TMEM170B: variants seen among roughly 807,000 people sequenced by gnomAD.
The protein encoded by TMEM170B is transmembrane protein 170B.
Under a neutral mutation model 13.0 loss-of-function variants are expected in TMEM170B, and 6 were observed. The ratio of observed to expected loss-of-function variants is 0.46; its 90% CI spans 0.25 to 0.91. The LOEUF (loss-of-function observed/expected upper bound fraction) is 0.91, where lower values mean the gene tolerates loss of function less well. Ranked by LOEUF, TMEM170B falls within the 40% of genes least tolerant of loss-of-function variation. The pLI, the probability that TMEM170B is intolerant of heterozygous loss-of-function variation, is 0.17. For synonymous variants in TMEM170B, 61 were observed against 64.9 expected, an observed-to-expected ratio of 0.94 and a Z score of 0.29; for missense variants, 138 against 165.2, an observed-to-expected ratio of 0.84 and a Z score of 0.90.
At chr6:11,538,925 C>T (rs1759322410) in intron 1 of TMEM170B, among the ~76,000 whole-genome samples, 1 of 152,128 alleles carries the variant, frequency 6.6e-6, no homozygotes, top group African/African-American at 2.4e-5. Context: ...AGGTCTAGTG[C>T]GGTCTAAGCG....
At chr6:11,572,213 A>G (rs1759814704) in intron 2 of TMEM170B, among the ~76,000 whole-genome samples, 1 of 152,214 alleles carries the variant, frequency 6.6e-6, no homozygotes. Context: ...GGGGTCGTAG[A>G]CAAGAACATT....
chr6:11,560,313 C>A (rs965379251), intron 1 of TMEM170B, among the ~76,000 whole-genome samples: 2 of 146,906 alleles, frequency 1.4e-5, no homozygotes, highest in African/African-American at 5.0e-5. Flanking sequence ...TACAGGTGCC[C>A]GCCACCACGC....
chr6:11,558,178 A>G (rs1405263857), intron 1 of TMEM170B, among the ~76,000 whole-genome samples: 2 of 152,142 alleles, frequency 1.3e-5, no homozygotes, highest in African/African-American at 4.8e-5. Context: ...ATATGATTCT[A>G]TAACTTCTTT....
intron 1 of TMEM170B, among the ~76,000 whole-genome samples, chr6:11,544,070 T>C (rs1338242585): frequency 1.3e-5 from 2 of 152,204 alleles, no homozygotes; most frequent in Non-Finnish European, 2.9e-5. Flanking sequence ...AGATCAGTTA[T>C]TTAATGACAG....
intron 1 of TMEM170B, among the ~76,000 whole-genome samples, chr6:11,545,843 T>TA (rs11426753): frequency 0.98 from 142,242 of 145,620 alleles, 69,538 homozygotes; most frequent in East Asian, 1. Context: ...CTGTGTCTAC[T>TA]AAAAAAAAAA....
chr6:11,551,661 A>T (rs1759526660), intron 1 of TMEM170B, among the ~76,000 whole-genome samples: 1 of 152,218 alleles, frequency 6.6e-6, no homozygotes, highest in African/African-American at 2.4e-5. Context: ...AAAAGTGAAA[A>T]TGTCAGTCAT....
Position 11,553,753 on chromosome 6 carries a change from A to G in TMEM170B, c.98-11913A>G, listed in dbSNP as rs563536020. Among the ~76,000 whole-genome samples, 32 of 152,328 alleles carry G rather than the reference A, an allele frequency of 2.1e-4. No homozygotes were observed. In the South Asian group the frequency reaches 6.0e-3, roughly 29 times the overall value. Reference sequence around the variant, plus strand: ...TTTCTTTAATCTTTCAAGTTAAGCAACTTTCTTTTTCAAGTGGGACTTCTT... The same window carrying G: ...TTTCTTTAATCTTTCAAGTTAAGCAGCTTTCTTTTTCAAGTGGGACTTCTT... On this transcript the variant is annotated intron_variant, in intron 1 of 2. Transcript: ENST00000379426.
At chr6:11,550,099 A>G (rs1759504123) in intron 1 of TMEM170B, among the ~76,000 whole-genome samples, 1 of 151,992 alleles carries the variant, frequency 6.6e-6, no homozygotes, top group Non-Finnish European at 1.5e-5. Context: ...TGGCCTCCCA[A>G]AATGCTAGGA....
chr6:11,571,972 CAGAT>C (rs964778999), intron 2 of TMEM170B, among the ~76,000 whole-genome samples: 19 of 151,948 alleles, frequency 1.3e-4, no homozygotes, highest in African/African-American at 4.1e-4. Flanking sequence ...GTAAATTAAT[CAGAT>C]AGATAATATC....
At position 11,538,311 on chromosome 6, in the gene TMEM170B, A is replaced by G; in HGVS notation, c.34A>G (p.Asn12Asp). The change falls in exon 1 of 3, where the codon AAC (asparagine) becomes GAC (aspartate). Residue 12 changes from asparagine (N) to aspartate (D), a missense_variant. Transcript: ENST00000379426. ...GGAGGGGGGCGACCACTCCATGATCAACCTGTCGGTGCAGCAGGTCCTGAG... is the reference window on the plus strand; with the variant it reads ...GGAGGGGGGCGACCACTCCATGATCGACCTGTCGGTGCAGCAGGTCCTGAG... Reference protein sequence around the residue: ...KAEGGDHSMINLSVQQVLSLW... With the variant: ...KAEGGDHSMIDLSVQQVLSLW... The G allele has an allele frequency of 6.7e-7, 1 of 1,487,780 alleles. No individual in the cohort carries two copies. Among genetic ancestry groups the G allele is most frequent in the South Asian group, 1.4e-5 (1 of 72,530 alleles). 92.2% of individuals were successfully genotyped at this position (1,487,780 alleles called of 1,614,324 possible). A position where few individuals can be genotyped will look rare whatever the true frequency, so the allele number is the denominator to read the frequency against.
intron 1 of TMEM170B, among the ~76,000 whole-genome samples, chr6:11,557,589 T>C (rs895089084): frequency 1.3e-5 from 2 of 152,252 alleles, no homozygotes; most frequent in Non-Finnish European, 2.9e-5. Flanking sequence ...GCAGGTAATC[T>C]TCACATTTTT....
intron 1 of TMEM170B, among the ~76,000 whole-genome samples, chr6:11,553,392 T>C (rs1251764372): frequency 6.6e-6 from 1 of 152,194 alleles, no homozygotes; most frequent in Non-Finnish European, 1.5e-5. Flanking sequence ...TATGTAAATA[T>C]GTTAGGTGAG....
At chr6:11,565,556 C>T in intron 1 of TMEM170B, 110 bp from the exon 2 acceptor site, 1 of 1,112,480 alleles carries the variant, frequency 9.0e-7, no homozygotes, top group Admixed American at 2.0e-5. Flanking sequence ...AAGCATTTTT[C>T]TATGTATTAT....
At chr6:11,567,781 A>C (rs1346098391) in intron 2 of TMEM170B, among the ~76,000 whole-genome samples, 1 of 152,220 alleles carries the variant, frequency 6.6e-6, no homozygotes, top group African/African-American at 2.4e-5. Context: ...TAATAGGAGT[A>C]GTACCAGATT....
chr6:11,541,214 A>G (rs1458460215), intron 1 of TMEM170B, among the ~76,000 whole-genome samples: 1 of 152,160 alleles, frequency 6.6e-6, no homozygotes, highest in Non-Finnish European at 1.5e-5. Flanking sequence ...GAAGTCAGGG[A>G]TTGACTTCTC....
chr6:11,559,443 C>T (rs1220450224), intron 1 of TMEM170B, among the ~76,000 whole-genome samples: 1 of 152,140 alleles, frequency 6.6e-6, no homozygotes, highest in African/African-American at 2.4e-5. Context: ...GAGTCAGTCT[C>T]CCAAACTGCT....
At chr6:11,544,627 C>A (rs1276454880) in intron 1 of TMEM170B, among the ~76,000 whole-genome samples, 1 of 152,198 alleles carries the variant, frequency 6.6e-6, no homozygotes, top group South Asian at 2.1e-4. Context: ...TTTCCCCTAC[C>A]TTGGAAGACA....
At chr6:11,544,459 G>A (rs1238849283) in intron 1 of TMEM170B, among the ~76,000 whole-genome samples, 1 of 152,218 alleles carries the variant, frequency 6.6e-6, no homozygotes, top group Non-Finnish European at 1.5e-5. Context: ...GAAGATGTAT[G>A]AATGGAACTA....
Position 11,575,328 on chromosome 6 carries a change from G to T in TMEM170B, c.269-103G>T. 2 of 1,415,950 alleles carry T rather than the reference G, an allele frequency of 1.4e-6. No individual in the cohort carries two copies. Among genetic ancestry groups the T allele is most frequent in the South Asian group, 2.8e-5 (2 of 71,552 alleles). The allele number at this position is 1,415,950 out of a possible 1,614,324, so 87.7% of individuals were successfully genotyped here. On this transcript the variant is annotated intron_variant, in intron 2 of 2. Transcript: ENST00000379426. This position sits in a 1 kb window ranked among gnomAD's most constrained non-coding sequence, Gnocchi z 4.1. ...GTGGATAAAATGAGAAAAAAATGAT[G>T]ACTTATGTTTTGATGAAATGAAAAG...
Sources: gnomAD v4.1 joint callset for allele counts (sites outside exome capture counted in the v4.1 genomes callset) on GRCh38, gnomAD v4.1.1 for gene constraint, Gnocchi (gnomAD v3.1) non-coding constraint, MANE v1.5 for transcripts, NCBI Gene and HGNC (gene_info 2026-07-23, HGNC 2026-07-21) for gene names.